TBC1D19: variants seen among roughly 807,000 people sequenced by gnomAD.
TBC1D19 encodes the protein TBC1 domain family, member 19.
A neutral mutation model predicts 89.0 loss-of-function variants in TBC1D19; 60 were observed. That is an observed-to-expected ratio of 0.67 (90% CI 0.55 to 0.84). The LOEUF is 0.84. Among genes scored for constraint, TBC1D19 ranks in the 40% least tolerant of loss-of-function variants. The pLI is 0.00. For synonymous variants in TBC1D19, 189 were observed against 199.7 expected, an observed-to-expected ratio of 0.95 and a Z score of 0.45; for missense variants, 500 against 610.8, an observed-to-expected ratio of 0.82 and a Z score of 1.91.
At position 26,651,404 on chromosome 4, in the gene TBC1D19, T is replaced by C. The variant is rs558998142; in HGVS notation, c.481-8193T>C. 3.3e-5 allele frequency among the ~76,000 whole-genome samples: 5 copies of C among 152,352 alleles called. No homozygotes were observed. In the East Asian group the frequency reaches 9.6e-4, roughly 29 times the overall value. On this transcript the variant is annotated intron_variant, in intron 7 of 20. Coordinates refer to ENST00000264866, the MANE Select transcript of TBC1D19 (RefSeq NM_018317.4). Reference sequence around the variant, plus strand: ...TCTTTTATTTCATTGAGCAGTGGTTTGTAGTTCTCCTTCAAGAGGTCCTTC... The same window carrying C: ...TCTTTTATTTCATTGAGCAGTGGTTCGTAGTTCTCCTTCAAGAGGTCCTTC...
At chr4:26,693,676 C>T (rs1714493206) in intron 13 of TBC1D19, among the ~76,000 whole-genome samples, 1 of 149,170 alleles carries the variant, frequency 6.7e-6, no homozygotes, top group South Asian at 2.1e-4. Context: ...GCCTAGGCAA[C>T]AGGTGAGACC....
At chr4:26,626,593 TG>T (rs1330931528) in intron 4 of TBC1D19, among the ~76,000 whole-genome samples, 1 of 152,110 alleles carries the variant, frequency 6.6e-6, no homozygotes, top group African/African-American at 2.4e-5. Flanking sequence ...CATTACCTGA[TG>T]TTCAGTCTGT....
chr4:26,616,566 G>A lies in TBC1D19; in HGVS notation c.218+2113G>A, dbSNP rs1019777507. ...AAAAGGAAAGTATGAATATTCATTA[G>A]GTAATATTAAACAATGGGAGATAAA... On this transcript the variant is annotated intron_variant, in intron 3 of 20. Coordinates refer to ENST00000264866, the MANE Select transcript of TBC1D19 (RefSeq NM_018317.4). Among the ~76,000 whole-genome samples the A allele has an allele frequency of 6.6e-5, 10 of 152,098 alleles. 1 individual carries two copies. The highest frequency in any genetic ancestry group is 1.5e-4 in the Non-Finnish European group (10 of 68,010).
At chr4:26,782,510 C>T in the TBC1D19 span, among the ~76,000 whole-genome samples, 13 of 152,230 alleles carry the variant, frequency 8.5e-5, no homozygotes, top group East Asian at 2.1e-3. Flanking sequence ...AGCAGCCAAA[C>T]GTCAAAACTG....
chr4:26,827,063 A>G, the TBC1D19 span, among the ~76,000 whole-genome samples: 2 of 152,144 alleles, frequency 1.3e-5, no homozygotes, highest in Non-Finnish European at 2.9e-5. Flanking sequence ...GAGAAAGGAA[A>G]CTAATGATTA....
chr4:26,782,320 G>GGA, the TBC1D19 span, among the ~76,000 whole-genome samples: 1 of 152,196 alleles, frequency 6.6e-6, no homozygotes, highest in Non-Finnish European at 1.5e-5. Flanking sequence ...AGAAAGCAGG[G>GGA]AAAGGAGACT....
At chr4:26,783,289 A>C in the TBC1D19 span, among the ~76,000 whole-genome samples, 1 of 152,214 alleles carries the variant, frequency 6.6e-6, no homozygotes, top group South Asian at 2.1e-4. Flanking sequence ...CAAGAAATGA[A>C]GGCTGCTCAT....
chr4:26,683,706 A>G lies in TBC1D19; in HGVS notation c.848A>G (p.Asn283Ser). The part of the protein sequence containing the change: ...DVLYYEQLKT[N>S]VIQHDLLVDS... ...TTGTATTATGAGCAGCTTAAGACCA[A>G]TGTGATACAACATGACCTTTTGGTG... Residue 283 changes from asparagine (N) to serine (S), a missense_variant, in exon 12 of 21, where the codon AAT (asparagine) becomes AGT (serine). Physicochemically the swap from Asn to Ser is conservative, Grantham distance 46 (BLOSUM62 1). Transcript: ENST00000264866. 2 of 1,613,084 alleles carry G rather than the reference A, an allele frequency of 1.2e-6. No individual in the cohort carries two copies. Among genetic ancestry groups the G allele is most frequent in the Admixed American group, 1.7e-5 (1 of 59,958 alleles).
chr4:26,584,358 T>A (rs1739278344), intron 1 of TBC1D19, 66 bp downstream of exon 1: 1 of 1,470,164 alleles, frequency 6.8e-7, no homozygotes, highest in Non-Finnish European at 9.3e-7. Context: ...TTCTTCACCC[T>A]CCTCACCCAA....
intron 13 of TBC1D19, among the ~76,000 whole-genome samples, chr4:26,696,540 C>G (rs903381715): frequency 6.6e-6 from 1 of 152,178 alleles, no homozygotes; most frequent in Non-Finnish European, 1.5e-5. Flanking sequence ...TCCACCCCAA[C>G]TCAACAGAAT....
chr4:26,636,754 G>A (rs1371287866), intron 4 of TBC1D19, among the ~76,000 whole-genome samples: 1 of 151,968 alleles, frequency 6.6e-6, no homozygotes, highest in African/African-American at 2.4e-5. Flanking sequence ...GCATGCTGAT[G>A]TATTTAGGGG....
chr4:26,744,722 G>C (rs1718549817), intron 18 of TBC1D19, among the ~76,000 whole-genome samples: 1 of 152,036 alleles, frequency 6.6e-6, no homozygotes, highest in Admixed American at 6.6e-5. Flanking sequence ...TTCTGTTGCA[G>C]TTAAACAGCA....
At chr4:26,748,195 G>A (rs1718756660) in intron 18 of TBC1D19, among the ~76,000 whole-genome samples, 1 of 152,182 alleles carries the variant, frequency 6.6e-6, no homozygotes, top group South Asian at 2.1e-4. Flanking sequence ...GACCCAGCAT[G>A]TGTAATTCTT....
At chr4:26,614,370 A>C (rs1331855440) in intron 2 of TBC1D19, 38 bp from the exon 3 acceptor site, 3 of 1,341,700 alleles carry the variant, frequency 2.2e-6, no homozygotes, top group Non-Finnish European at 3.1e-6. Context: ...CTTAAAAACT[A>C]GTATGTTCAT....
the TBC1D19 span, among the ~76,000 whole-genome samples, chr4:26,770,787 G>A: frequency 6.6e-6 from 1 of 152,040 alleles, no homozygotes; most frequent in African/African-American, 2.4e-5. Context: ...ATTGCAATGA[G>A]TAATATTAGA....
At chr4:26,683,943 C>G (rs952826237) in intron 12 of TBC1D19, among the ~76,000 whole-genome samples, 194 bp downstream of exon 12, 4 of 152,066 alleles carry the variant, frequency 2.6e-5, no homozygotes, top group African/African-American at 9.7e-5. Flanking sequence ...TCTTCTTTCC[C>G]TTTGAAGCTG....
chr4:26,702,122 A>G (rs377455016), intron 13 of TBC1D19, among the ~76,000 whole-genome samples: 45 of 152,344 alleles, frequency 3.0e-4, no homozygotes, highest in African/African-American at 1.1e-3. Flanking sequence ...CATCTGTTTT[A>G]AATGAGAGCA....
chr4:26,792,461 T>G, the TBC1D19 span, among the ~76,000 whole-genome samples: 1 of 152,076 alleles, frequency 6.6e-6, no homozygotes, highest in Non-Finnish European at 1.5e-5. Flanking sequence ...AGACACCACT[T>G]TTTGAGTGAG....
intron 1 of TBC1D19, among the ~76,000 whole-genome samples, chr4:26,601,521 C>G (rs1296798870): frequency 6.6e-6 from 1 of 152,134 alleles, no homozygotes; most frequent in Non-Finnish European, 1.5e-5. Context: ...GGATAGCACT[C>G]AAGGTGACAA....
Sources: allele counts gnomAD v4.1 joint callset (sites outside exome capture counted in the v4.1 genomes callset), GRCh38; gene constraint gnomAD v4.1.1; transcripts MANE v1.5; gene names NCBI Gene and HGNC (gene_info 2026-07-23, HGNC 2026-07-21).